MAGI2: variants seen among roughly 807,000 people sequenced by gnomAD.
MAGI2 encodes the protein membrane associated guanylate kinase, WW and PDZ domain containing 2.
In MAGI2, 35 loss-of-function variants were observed where a neutral mutation model predicts 133.3. The observed-to-expected ratio is 0.26, with a 90% confidence interval of 0.20 to 0.35. The LOEUF (loss-of-function observed/expected upper bound fraction) is 0.35. MAGI2 is among the 10% of genes least tolerant of loss of function. MAGI2 has a pLI of 1.00. For synonymous variants in MAGI2, 729 were observed against 710.6 expected (o/e 1.03, Z -0.41); for missense variants, 1,636 against 1,863.4 (o/e 0.88, Z 2.25).
Position 79,284,888 on chromosome 7 carries a change from G to A in MAGI2, c.301+168132C>T, listed in dbSNP as rs554365845. Among the ~76,000 whole-genome samples, 8 of 152,034 alleles carry A rather than the reference G, an allele frequency of 5.3e-5. No individual in the cohort carries two copies. The East Asian group carries it at 9.7e-4, about 18-fold the overall frequency. ...AAAATTACTTTAGTATCTGCACTTC[G>A]GTCCTTAATCCTCCTAGAGGATTCT... On this transcript the variant is annotated intron_variant, in intron 1 of 21. Coordinates refer to ENST00000354212, the MANE Select transcript of MAGI2 (RefSeq NM_012301.4).
At chr7:79,383,462 G>A (rs750419691) in intron 1 of MAGI2, among the ~76,000 whole-genome samples, 9 of 151,446 alleles carry the variant, frequency 5.9e-5, no homozygotes, top group Non-Finnish European at 5.9e-5. Flanking sequence ...TAGTCATATG[G>A]ATAAGGACAA....
chr7:78,283,348 C>T (rs1349023517), intron 9 of MAGI2, among the ~76,000 whole-genome samples: 1 of 152,028 alleles, frequency 6.6e-6, no homozygotes, highest in Non-Finnish European at 1.5e-5. Context: ...AGAATAATAA[C>T]AAGCTGTCCT....
At chr7:79,146,180 T>C (rs558700201) in intron 1 of MAGI2, among the ~76,000 whole-genome samples, 10 of 152,180 alleles carry the variant, frequency 6.6e-5, no homozygotes, top group Non-Finnish European at 1.5e-4. Context: ...AACCAAGGTA[T>C]GCAAAATTGG....
At chr7:78,599,470 C>T (rs1419706230) in intron 3 of MAGI2, among the ~76,000 whole-genome samples, 1 of 152,074 alleles carries the variant, frequency 6.6e-6, no homozygotes, top group African/African-American at 2.4e-5. Flanking sequence ...GAGAAATACC[C>T]ATACCCAGAG....
At chr7:78,483,350 G>C (rs1034625099) in intron 6 of MAGI2, among the ~76,000 whole-genome samples, 2 of 151,814 alleles carry the variant, frequency 1.3e-5, no homozygotes, top group African/African-American at 4.8e-5. Context: ...CAAGTAACTT[G>C]AGCAACTAAG....
At chr7:79,409,918 C>T (rs1846038695) in intron 1 of MAGI2, 1 of 152,016 alleles carries the variant, frequency 6.6e-6, no homozygotes, top group South Asian at 2.1e-4. Context: ...TCAATTTTAG[C>T]TGTTTGACAT....
intron 3 of MAGI2, among the ~76,000 whole-genome samples, chr7:78,573,055 A>G (rs1199940568): frequency 5.9e-5 from 6 of 102,222 alleles, no homozygotes; most frequent in Non-Finnish European, 9.4e-5. Context: ...ATATATATAT[A>G]TATATATATA....
chr7:79,281,808 A>G (rs752457036), intron 1 of MAGI2, among the ~76,000 whole-genome samples: 12 of 152,184 alleles, frequency 7.9e-5, no homozygotes, highest in Non-Finnish European at 1.2e-4. Context: ...TTTACATACT[A>G]TATAACTTCT....
At chr7:78,047,423 G>T (rs1300012236) in intron 21 of MAGI2, among the ~76,000 whole-genome samples, 5 of 152,148 alleles carry the variant, frequency 3.3e-5, no homozygotes, top group Non-Finnish European at 7.4e-5. Flanking sequence ...AGGCCGCCGA[G>T]CCTTCTTGGA....
At chr7:79,399,108 T>G (rs148374398) in intron 1 of MAGI2, among the ~76,000 whole-genome samples, 9,284 of 145,796 alleles carry the variant, frequency 0.064, 768 homozygotes, top group East Asian at 0.29. Context: ...TTTTTTTTTT[T>G]TTGGGAGATG....
At chr7:79,065,913 G>C (rs1044618731) in intron 1 of MAGI2, among the ~76,000 whole-genome samples, 1 of 152,140 alleles carries the variant, frequency 6.6e-6, no homozygotes, top group Non-Finnish European at 1.5e-5. Context: ...TGGCTGCATA[G>C]TATTCCATGG....
At chr7:78,952,457 T>G (rs2151703999) in intron 2 of MAGI2, among the ~76,000 whole-genome samples, 1 of 152,310 alleles carries the variant, frequency 6.6e-6, no homozygotes, top group South Asian at 2.1e-4. Context: ...ATTAATTCAT[T>G]AATTCATTCA....
intron 2 of MAGI2, among the ~76,000 whole-genome samples, chr7:78,911,926 CTATGAGGCCATA>C (rs1798429694): frequency 6.6e-6 from 1 of 152,016 alleles, no homozygotes; most frequent in Non-Finnish European, 1.5e-5. Context: ...CCAGGGAATA[CTATGAGGCCATA>C]AAAAAGAGCA....
intron 10 of MAGI2, chr7:78,255,480 G>A (rs1234584848): frequency 3.6e-6 from 1 of 279,508 alleles, no homozygotes; most frequent in East Asian, 1.2e-4. Context: ...TCTGAGTATT[G>A]TCAAGACTGT....
intron 3 of MAGI2, among the ~76,000 whole-genome samples, chr7:78,546,676 ATCTCTCTCTCTCTC>A (rs3086440): frequency 6.6e-6 from 1 of 150,626 alleles, no homozygotes; most frequent in African/African-American, 2.4e-5. Flanking sequence ...AAAGATCCTC[ATCTCTCTCTCTCTC>A]TCTCTCTCTC....
chr7:78,168,177 A>G lies in MAGI2; in HGVS notation c.2404-69T>C. ...TTTTTCCTTTTTTTTTTTTTTCGAA[A>G]CAGAGTCTCGCTTCGTTGCCCAAGC... is the stretch of plus-strand genomic sequence containing the variant. On this transcript the variant is annotated intron_variant, in intron 14 of 21. Transcript: ENST00000354212. 5.0e-6 allele frequency: 7 copies of G among 1,387,964 alleles called. No individual in the cohort carries two copies. The South Asian group carries it at 9.0e-5, about 18-fold the overall frequency. The allele number at this position is 1,387,964 out of a possible 1,614,324, so 86.0% of individuals were successfully genotyped here. A position where few individuals can be genotyped will look rare whatever the true frequency, so the allele number is the denominator to read the frequency against.
intron 6 of MAGI2, among the ~76,000 whole-genome samples, chr7:78,447,783 G>A (rs1304764275): frequency 1.3e-5 from 2 of 152,196 alleles, no homozygotes; most frequent in South Asian, 2.1e-4. Context: ...ACAGCCTGGG[G>A]AAATCCTTCA....
At chr7:78,359,956 C>T (rs1298841351) in intron 7 of MAGI2, among the ~76,000 whole-genome samples, 1 of 152,114 alleles carries the variant, frequency 6.6e-6, no homozygotes, top group Non-Finnish European at 1.5e-5. Context: ...ATGGAAAAAA[C>T]ATAAGCTATT....
chr7:78,537,336 A>G (rs1798046768), intron 3 of MAGI2, among the ~76,000 whole-genome samples: 1 of 152,142 alleles, frequency 6.6e-6, no homozygotes, highest in Admixed American at 6.5e-5. Context: ...TCATATAATG[A>G]CTTATTTTCC....
Sources: gnomAD v4.1 joint callset for allele counts (sites outside exome capture counted in the v4.1 genomes callset) on GRCh38, gnomAD v4.1.1 for gene constraint, MANE v1.5 for transcripts, NCBI Gene and HGNC (gene_info 2026-07-23, HGNC 2026-07-21) for gene names.